Variants in GRIN2A observed in about 807,000 individuals in gnomAD.
GRIN2A encodes glutamate receptor ionotropic, NMDA 2A.
In GRIN2A, 22 loss-of-function variants were observed where a neutral mutation model predicts 113.4. That is an observed-to-expected ratio of 0.19 (90% CI 0.14 to 0.28). The LOEUF is 0.28. Among genes scored for constraint, GRIN2A ranks in the 10% least tolerant of loss-of-function variants. The probability of loss-of-function intolerance (pLI) is 1.00; values close to 1 mark genes in which losing one functional copy is unlikely to be tolerated. For missense variants in GRIN2A, 1,502 were observed against 1,887.0 expected (o/e 0.80, Z 3.78); for synonymous variants, 827 against 738.4 (o/e 1.12, Z -1.94).
chr16:10,119,663 C>A lies in GRIN2A; in HGVS notation c.414+60335G>T, dbSNP rs1279847870. Among the ~76,000 whole-genome samples, 9 of 152,132 alleles carry A rather than the reference C, an allele frequency of 5.9e-5. No homozygotes were observed. The East Asian group carries it at 1.7e-3, about 29-fold the overall frequency. ...AGGGATTTGGTACACACATTTGGTA[C>A]AGATTATTTTGTCACACAGGTAATA... is the stretch of plus-strand genomic sequence containing the variant. On this transcript the variant is annotated intron_variant, in intron 2 of 12. Transcript: ENST00000330684.
chr16:10,096,573 C>CACACACACACAT (rs1555478915), intron 2 of GRIN2A, among the ~76,000 whole-genome samples: 4 of 149,266 alleles, frequency 2.7e-5, no homozygotes, highest in African/African-American at 9.8e-5. Context: ...CACACACACA[C>CACACACACACAT]TTTACTCTCT....
chr16:10,017,489 G>A (rs1242900397), intron 2 of GRIN2A, among the ~76,000 whole-genome samples: 1 of 151,992 alleles, frequency 6.6e-6, no homozygotes, highest in Admixed American at 6.6e-5. Flanking sequence ...TGGTTTGTTC[G>A]GCTTATTTCG....
chr16:10,012,967 T>A lies in GRIN2A; in HGVS notation c.415-74416A>T, dbSNP rs148574380. ...ACACCATGTATCAACTGCAAACAATTGTTGCAGTTCTAGAAAGCTGGCCCA... is the reference window on the plus strand; with the variant it reads ...ACACCATGTATCAACTGCAAACAATAGTTGCAGTTCTAGAAAGCTGGCCCA... On this transcript the variant is annotated intron_variant, in intron 2 of 12. Transcript: ENST00000330684. Among the ~76,000 whole-genome samples, 174 of 152,260 alleles carry A rather than the reference T, an allele frequency of 1.1e-3. 2 individuals carry two copies. Among genetic ancestry groups the A allele is most frequent in the African/African-American group, 4.0e-3 (168 of 41,544 alleles).
At chr16:9,983,290 T>C (rs2141783867) in intron 2 of GRIN2A, among the ~76,000 whole-genome samples, 1 of 152,336 alleles carries the variant, frequency 6.6e-6, no homozygotes, top group African/African-American at 2.4e-5. Context: ...ACCACTAATC[T>C]ACTTTCTACT....
intron 2 of GRIN2A, among the ~76,000 whole-genome samples, chr16:10,094,454 GTTTT>G (rs57308394): frequency 2.7e-5 from 4 of 147,044 alleles, no homozygotes; most frequent in African/African-American, 9.9e-5. Context: ...CAAGAAAACA[GTTTT>G]TTTTTTTTGA....
At chr16:9,974,903 T>A (rs549868158) in intron 2 of GRIN2A, among the ~76,000 whole-genome samples, 1 of 152,210 alleles carries the variant, frequency 6.6e-6, no homozygotes, top group Non-Finnish European at 1.5e-5. Flanking sequence ...AGATTGAACA[T>A]CTTTGTCTTG....
intron 2 of GRIN2A, among the ~76,000 whole-genome samples, chr16:9,942,391 C>T (rs1040954495): frequency 6.6e-6 from 1 of 152,110 alleles, no homozygotes; most frequent in Non-Finnish European, 1.5e-5. Flanking sequence ...CCTAGCCAGC[C>T]CCGTGGCTTT....
intron 2 of GRIN2A, among the ~76,000 whole-genome samples, chr16:9,983,460 G>C (rs2045927181): frequency 6.9e-6 from 1 of 144,120 alleles, no homozygotes; most frequent in African/African-American, 2.6e-5. Flanking sequence ...TTTTTTTTGA[G>C]ATGGAGTCTC....
rs542256226 is a variant in GRIN2A at position 10,180,338 on chromosome 16, G to A, written c.74C>T (p.Ala25Val). The stretch of plus-strand genomic sequence containing the variant: ...CGCGGGGGGACCCTTCTCCGCCGCC[G>A]CGCTCGGCGCCGGACCGCGCCAGAC... ...LLVWRGPAPS[A>V]AAEKGPPALN... The change falls in exon 2 of 13, where the codon GCG becomes GTG. Residue 25 changes from alanine (A) to valine (V), a missense_variant. Around this residue, in one of 7 missense-constraint regions of GRIN2A, gnomAD observed 149 missense variants for 179.1 expected, o/e 0.83. Coordinates refer to ENST00000330684, the MANE Select transcript of GRIN2A (RefSeq NM_001134407.3). The surrounding 1 kb of genome is among the most constrained non-coding windows in gnomAD (Gnocchi z 7.0). 2 of 1,608,900 alleles carry A rather than the reference G, an allele frequency of 1.2e-6. No individual in the cohort carries two copies. Among genetic ancestry groups the A allele is most frequent in the East Asian group, 2.2e-5 (1 of 44,838 alleles).
intron 2 of GRIN2A, among the ~76,000 whole-genome samples, chr16:10,039,575 G>A (rs1465331739): frequency 5.3e-5 from 8 of 152,030 alleles, no homozygotes; most frequent in Admixed American, 5.2e-4. Flanking sequence ...ACAGAGGGCA[G>A]CGAGGACTGC....
chr16:10,133,613 A>T (rs946771242), intron 2 of GRIN2A, among the ~76,000 whole-genome samples: 5 of 152,188 alleles, frequency 3.3e-5, no homozygotes, highest in African/African-American at 9.7e-5. Context: ...GTCTCAAAAA[A>T]AATAATAATT....
intron 2 of GRIN2A, among the ~76,000 whole-genome samples, chr16:9,961,010 C>A (rs2045428996): frequency 6.6e-6 from 1 of 152,154 alleles, no homozygotes; most frequent in Non-Finnish European, 1.5e-5. Flanking sequence ...TTGTTGTTGT[C>A]ATTTACGTGC....
At chr16:10,001,886 T>G (rs1778115013) in intron 2 of GRIN2A, among the ~76,000 whole-genome samples, 1 of 152,208 alleles carries the variant, frequency 6.6e-6, no homozygotes, top group Non-Finnish European at 1.5e-5. Flanking sequence ...ATATTTAACT[T>G]CTCTTAGTTT....
intron 3 of GRIN2A, among the ~76,000 whole-genome samples, chr16:9,896,472 A>G (rs951328464): frequency 6.6e-6 from 1 of 152,122 alleles, no homozygotes; most frequent in African/African-American, 2.4e-5. Context: ...CTTTTCTTCC[A>G]TTTGGTAGTA....
At chr16:10,051,352 C>T (rs8056683) in intron 2 of GRIN2A, among the ~76,000 whole-genome samples, 17,563 of 152,132 alleles carry the variant, frequency 0.12, 1,220 homozygotes, top group African/African-American at 0.18. Flanking sequence ...GTCTCAGAGT[C>T]TGATGGAAAG....
chr16:9,758,601 A>G lies in GRIN2A; in HGVS notation c.*4548T>C, dbSNP rs1005835838. ...ATTTGGATAATACACTTACGTGTGA[A>G]TTGTAGAAATCAAGCATGTATATTA... On this transcript the variant is annotated 3_prime_UTR_variant, in exon 13 of 13. Coordinates refer to ENST00000330684, the MANE Select transcript of GRIN2A (RefSeq NM_001134407.3). 1 of 210,134 alleles carries G rather than the reference A, an allele frequency of 4.8e-6. No homozygotes were observed. The highest frequency in any genetic ancestry group is 2.3e-5 in the African/African-American group (1 of 44,082). The allele number at this position is 210,134 out of a possible 1,614,324, so 13.0% of individuals were successfully genotyped here.
chr16:9,876,914 G>A (rs1382859224), intron 4 of GRIN2A, among the ~76,000 whole-genome samples: 1 of 152,120 alleles, frequency 6.6e-6, no homozygotes, highest in African/African-American at 2.4e-5. Context: ...TAGTTACTTT[G>A]TCCTAAAGAA....
chr16:10,035,058 T>G (rs2047000033), intron 2 of GRIN2A, among the ~76,000 whole-genome samples: 1 of 148,034 alleles, frequency 6.8e-6, no homozygotes, highest in African/African-American at 2.5e-5. Flanking sequence ...CAGGGTCTCG[T>G]TCTGTCACCC....
intron 2 of GRIN2A, among the ~76,000 whole-genome samples, chr16:10,061,372 C>T (rs979968172): frequency 3.3e-5 from 5 of 152,202 alleles, no homozygotes; most frequent in African/African-American, 4.8e-5. Flanking sequence ...TTTGTTTTAG[C>T]ATTTCCAGGC....
Sources: gnomAD v4.1 joint callset for allele counts (sites outside exome capture counted in the v4.1 genomes callset) on GRCh38, gnomAD v4.1.1 for gene constraint, gnomAD v4.1.1 regional missense constraint, Gnocchi (gnomAD v3.1) non-coding constraint, MANE v1.5 for transcripts, NCBI Gene and HGNC (gene_info 2026-07-23, HGNC 2026-07-21) for gene names.